CDKN2C: variants seen among roughly 807,000 people sequenced by gnomAD.
CDKN2C encodes the protein cyclin-dependent kinase 4 inhibitor C.
A neutral mutation model predicts 11.0 loss-of-function variants in CDKN2C; 5 were observed. That is an observed-to-expected ratio of 0.45 (90% CI 0.24 to 0.95). The LOEUF is 0.95. CDKN2C is among the 40% of genes least tolerant of loss of function. CDKN2C has a pLI of 0.21. For synonymous variants in CDKN2C, 79 were observed against 88.3 expected, an observed-to-expected ratio of 0.89 and a Z score of 0.59; for missense variants, 161 against 211.9, an observed-to-expected ratio of 0.76 and a Z score of 1.49.
rs150509670 is a variant in CDKN2C at position 50,970,458 on chromosome 1, C to T, written c.90C>T (p.Asn30=). Residue 30 remains asparagine (N), a synonymous_variant, in exon 1 of 2, where the codon AAC becomes AAT. Transcript: ENST00000371761. ...QLTSLLQNNV[N]VNAQNGFGRT... ...CTAGTTTGTTGCAAAATAATGTAAA[C>T]GTCAATGCACAAAATGGATTTGGAA... 3.2e-5 allele frequency: 51 copies of T among 1,613,934 alleles called. No individual in the cohort carries two copies. Among genetic ancestry groups the T allele is most frequent in the Non-Finnish European group, 4.2e-5 (50 of 1,180,000 alleles).
At position 50,964,912 on chromosome 1, in the gene CDKN2C, G is replaced by A. The variant is rs574665406; in HGVS notation, c.-1975-3024G>A. 1.4e-3 allele frequency among the ~76,000 whole-genome samples: 218 copies of A among 152,016 alleles called. 1 individual carries two copies. Among genetic ancestry groups the A allele is most frequent in the African/African-American group, 5.2e-3 (215 of 41,444 alleles). ...CTACTAAAGATACAAAAATTAGCCG[G>A]GCGTGGTGGTGCGCACCTGTAATCC... is the stretch of plus-strand genomic sequence containing the variant. On this transcript the variant is annotated intron_variant, in intron 1 of 3. Coordinates refer to the CDKN2C transcript ENST00000262662.
At chr1:50,966,782 CA>C (rs1645348934), upstream of CDKN2C, among the ~76,000 whole-genome samples, 2 of 150,638 alleles carry the variant, frequency 1.3e-5, no homozygotes, top group Admixed American at 1.3e-4. Flanking sequence ...AATATCTCAG[CA>C]AAACCACTGA....
At chr1:50,971,835 C>G (rs1645381588) in intron 1 of CDKN2C, among the ~76,000 whole-genome samples, 1 of 152,092 alleles carries the variant, frequency 6.6e-6, no homozygotes, top group Admixed American at 6.5e-5. Context: ...ACTTTGCAAT[C>G]TTGTTTATAT....
upstream of CDKN2C, chr1:50,969,791 G>A (rs891791279): frequency 5.5e-6 from 1 of 182,788 alleles, no homozygotes; most frequent in African/African-American, 2.4e-5. The surrounding 1 kb of genome is among the most constrained non-coding windows in gnomAD (Gnocchi z 6.6). Context: ...TCCCAGCAGC[G>A]GAGGACCCAG....
Position 50,974,581 on chromosome 1 carries a change from T to A in CDKN2C, c.*311T>A. The stretch of plus-strand genomic sequence containing the variant: ...AACACCCAAGTTGAAGACTTTGTTT[T>A]TAAAATGGTTTGTCCTGATGCTTTT... On this transcript the variant is annotated 3_prime_UTR_variant, in exon 2 of 2. Transcript: ENST00000371761. 3.2e-6 allele frequency: 1 copy of A among 308,172 alleles called. No individual in the cohort carries two copies. Among genetic ancestry groups the A allele is most frequent in the Non-Finnish European group, 6.0e-6 (1 of 166,400 alleles). The allele number at this position is 308,172 out of a possible 1,614,324, so 19.1% of individuals were successfully genotyped here. A position where few individuals can be genotyped will look rare whatever the true frequency, so the allele number is the denominator to read the frequency against.
At chr1:50,963,552 C>G (rs2124775246) in intron 1 of CDKN2C, among the ~76,000 whole-genome samples, 1 of 152,300 alleles carries the variant, frequency 6.6e-6, no homozygotes, top group South Asian at 2.1e-4. Flanking sequence ...AGTGCTCCTT[C>G]CACTTACCAT....
intron 1 of CDKN2C, among the ~76,000 whole-genome samples, chr1:50,973,242 T>A (rs150147074): frequency 6.6e-6 from 1 of 152,324 alleles, no homozygotes; most frequent in Admixed American, 6.5e-5. Flanking sequence ...TTAAATAACT[T>A]GCAAATAAAA....
At chr1:50,970,993 A>G (rs1645376578) in intron 1 of CDKN2C, among the ~76,000 whole-genome samples, 1 of 152,180 alleles carries the variant, frequency 6.6e-6, no homozygotes, top group African/African-American at 2.4e-5. Flanking sequence ...CCTCGTTTGG[A>G]ATGGGTGGCC....
intron 1 of CDKN2C, among the ~76,000 whole-genome samples, chr1:50,962,114 C>T (rs1442302938): frequency 6.6e-6 from 1 of 152,234 alleles, no homozygotes; most frequent in Non-Finnish European, 1.5e-5. Context: ...AGGGCAGTGG[C>T]TTATGCCTAT....
chr1:50,968,254 C>A, upstream of CDKN2C: 1 of 152,590 alleles, frequency 6.6e-6, no homozygotes, highest in Non-Finnish European at 1.5e-5. Context: ...GGCGGGGGAG[C>A]ACAGAGGCGG....
Position 50,970,417 on chromosome 1 carries a change from G to A in CDKN2C, c.49G>A (p.Asp17Asn), listed in dbSNP as rs141609461. The change falls in exon 1 of 2, where the codon GAC (aspartate) becomes AAC (asparagine). Residue 17 changes from aspartate to asparagine, a missense_variant. Coordinates refer to ENST00000371761, the MANE Select transcript of CDKN2C (RefSeq NM_078626.3). ...GTTGGCGTCCGCAGCTGCCAGGGGG[G>A]ACCTAGAGCAACTTACTAGTTTGTT... ...NELASAAARGDLEQLTSLLQN... is the reference protein window; with the variant it reads ...NELASAAARGNLEQLTSLLQN... 27 of 1,614,020 alleles carry A rather than the reference G, an allele frequency of 1.7e-5. No individual in the cohort carries two copies. Among genetic ancestry groups the A allele is most frequent in the South Asian group, 3.3e-5 (3 of 91,070 alleles).
intron 1 of CDKN2C, among the ~76,000 whole-genome samples, chr1:50,963,234 T>C (rs74961576): frequency 1.9e-4 from 29 of 152,348 alleles, no homozygotes; most frequent in Non-Finnish European, 3.8e-4. Flanking sequence ...TGTTTTCATA[T>C]ATGTATGTTT....
At position 50,974,000 on chromosome 1, in the gene CDKN2C, A is replaced by T; in HGVS notation, c.237A>T (p.Arg79Ser). The T allele has an allele frequency of 1.9e-6, 3 of 1,614,232 alleles. No individual in the cohort carries two copies. In the African/African-American group the frequency reaches 4.0e-5, roughly 22 times the overall value. ...TCGCTGTCATTCATGATGCGGCCAG[A>T]GCAGGTTTCCTGGACACTTTACAGA... is the stretch of plus-strand genomic sequence containing the variant. ...TGFAVIHDAA[R>S]AGFLDTLQTL... Residue 79 changes from arginine to serine, a missense_variant, in exon 2 of 2, where the codon AGA (arginine) becomes AGT (serine). Transcript: ENST00000371761.
chr1:50,970,464 T>C lies in CDKN2C; in HGVS notation c.96T>C (p.Asn32=), dbSNP rs149643969. The C allele has an allele frequency of 3.3e-5, 54 of 1,614,024 alleles. No individual in the cohort carries two copies. Among genetic ancestry groups the C allele is most frequent in the Non-Finnish European group, 4.3e-5 (51 of 1,180,042 alleles). The part of the protein sequence containing the change: ...TSLLQNNVNV[N]AQNGFGRTAL... ...TGTTGCAAAATAATGTAAACGTCAA[T>C]GCACAAAATGGATTTGGAAGGACTG... The change falls in exon 1 of 2, where the codon AAT becomes AAC. Residue 32 remains asparagine, a synonymous_variant. Transcript: ENST00000371761.
At chr1:50,964,417 G>A (rs1036435279) in intron 1 of CDKN2C, among the ~76,000 whole-genome samples, 2 of 152,140 alleles carry the variant, frequency 1.3e-5, no homozygotes, top group Non-Finnish European at 2.9e-5. Context: ...ATCATATCAA[G>A]GCCATGTGTT....
In CDKN2C at chr1:50,973,876, T is replaced by A; in HGVS notation, c.130-17T>A. 4 of 1,613,916 alleles carry A rather than the reference T, an allele frequency of 2.5e-6. No individual in the cohort carries two copies. The highest frequency in any genetic ancestry group is 3.4e-6 in the Non-Finnish European group (4 of 1,179,834). ...ATATGCACTTGAAGGATTCTACCAT[T>A]TCTACTTCTTTTCCAGGTTATGAAA... On this transcript the variant is annotated splice_polypyrimidine_tract_variant and intron_variant, in intron 1 of 1. Coordinates refer to ENST00000371761, the MANE Select transcript of CDKN2C (RefSeq NM_078626.3).
In CDKN2C at chr1:50,974,192, G is replaced by A; in HGVS notation, c.429G>A (p.Leu143=). The stretch of plus-strand genomic sequence containing the variant: ...ATAAGGGGGACACCGCCTGTGATTT[G>A]GCCAGGCTCTATGGGAGGAATGAGG... ...RNHKGDTACD[L]ARLYGRNEVV... Residue 143 remains leucine (L), a synonymous_variant, in exon 2 of 2, where the codon TTG becomes TTA. Coordinates refer to ENST00000371761, the MANE Select transcript of CDKN2C (RefSeq NM_078626.3). The A allele has an allele frequency of 6.2e-7, 1 of 1,612,284 alleles. No individual in the cohort carries two copies. The highest frequency in any genetic ancestry group is 8.5e-7 in the Non-Finnish European group (1 of 1,178,584).
intron 1 of CDKN2C, among the ~76,000 whole-genome samples, chr1:50,962,559 AAGGAT>A (rs1645331419): frequency 2.6e-5 from 4 of 152,212 alleles, no homozygotes; most frequent in Admixed American, 2.6e-4. Context: ...TTATATGGCC[AAGGAT>A]TAATGCAGTC....
upstream of CDKN2C, among the ~76,000 whole-genome samples, chr1:50,966,592 A>G (rs1326667800): frequency 1.3e-5 from 2 of 152,212 alleles, no homozygotes; most frequent in Non-Finnish European, 2.9e-5. Flanking sequence ...ACTAGCCCTC[A>G]ATAAATACTA....
Sources: allele counts gnomAD v4.1 joint callset (sites outside exome capture counted in the v4.1 genomes callset), GRCh38; gene constraint gnomAD v4.1.1; non-coding constraint Gnocchi (gnomAD v3.1); transcripts MANE v1.5; gene names NCBI Gene and HGNC (gene_info 2026-07-23, HGNC 2026-07-21).